The following CMIP variants were observed in gnomAD, a reference collection of about 807,000 sequenced individuals.
The protein encoded by CMIP is c-Maf inducing protein, also known as C-Maf-inducing protein.
Under a neutral mutation model 97.3 loss-of-function variants are expected in CMIP, and 13 were observed. That is an observed-to-expected ratio of 0.13 (90% CI 0.09 to 0.21). The LOEUF (loss-of-function observed/expected upper bound fraction) is 0.21. Ranked by LOEUF, CMIP falls within the 10% of genes least tolerant of loss-of-function variation. The probability of loss-of-function intolerance (pLI) is 1.00; values close to 1 mark genes in which losing one functional copy is unlikely to be tolerated. For missense variants in CMIP, 847 were observed against 1,024.9 expected (o/e 0.83, Z 2.37); for synonymous variants, 538 against 436.3 (o/e 1.23, Z -2.91).
intron 10 of CMIP, among the ~76,000 whole-genome samples, chr16:81,689,493 T>A (rs55669104): frequency 6.6e-6 from 1 of 151,788 alleles, no homozygotes; most frequent in African/African-American, 2.4e-5. Flanking sequence ...TCGCCCACTT[T>A]TTGATGGGGT....
chr16:81,690,656 A>G (rs1905956261), intron 10 of CMIP, among the ~76,000 whole-genome samples: 1 of 151,986 alleles, frequency 6.6e-6, no homozygotes, highest in Admixed American at 6.6e-5. Context: ...GGCGTGAGCC[A>G]CCACACCTGG....
chr16:81,455,168 G>A (rs1056511786), intron 1 of CMIP, among the ~76,000 whole-genome samples: 1 of 152,224 alleles, frequency 6.6e-6, no homozygotes, highest in African/African-American at 2.4e-5. Flanking sequence ...AGCCCGGGAT[G>A]TCACAGATTG....
chr16:81,678,130 A>T (rs1597236841), intron 9 of CMIP, 145 bp from the exon 10 acceptor site: 2 of 672,456 alleles, frequency 3.0e-6, no homozygotes, highest in African/African-American at 3.6e-5. Flanking sequence ...GCTGAGCCTC[A>T]GTTTCCTCAT....
At chr16:81,533,736 C>T (rs1333291612) in intron 1 of CMIP, among the ~76,000 whole-genome samples, 1 of 152,184 alleles carries the variant, frequency 6.6e-6, no homozygotes, top group Non-Finnish European at 1.5e-5. Flanking sequence ...GCCTCTGCCT[C>T]CCTAAGTGCT....
intron 1 of CMIP, among the ~76,000 whole-genome samples, chr16:81,511,013 G>C (rs1223368873): frequency 6.6e-6 from 1 of 152,130 alleles, no homozygotes; most frequent in Non-Finnish European, 1.5e-5. Flanking sequence ...GGCCACAGCT[G>C]CCAGCCTAAC....
At chr16:81,520,527 C>T (rs1041156395) in intron 1 of CMIP, 1 of 136,618 alleles carries the variant, frequency 7.3e-6, no homozygotes, top group African/African-American at 2.9e-5. Context: ...ATAGTGAGAC[C>T]CCATCTCTCA....
intron 1 of CMIP, among the ~76,000 whole-genome samples, chr16:81,589,483 G>GTTT (rs74264889): frequency 3.0e-4 from 43 of 141,400 alleles, no homozygotes; most frequent in African/African-American, 9.0e-4. Flanking sequence ...GCAGACTTGT[G>GTTT]TTTTTTTTTT....
At chr16:81,502,286 A>G (rs1315045209) in intron 1 of CMIP, among the ~76,000 whole-genome samples, 1 of 152,236 alleles carries the variant, frequency 6.6e-6, no homozygotes, top group Non-Finnish European at 1.5e-5. Flanking sequence ...TTGCCTGGAC[A>G]GTCCCAGTTT....
chr16:81,588,252 G>GT (rs1567596227), intron 1 of CMIP, among the ~76,000 whole-genome samples: 2 of 152,128 alleles, frequency 1.3e-5, no homozygotes, highest in African/African-American at 2.4e-5. Flanking sequence ...CATAGTTTTT[G>GT]TTTTTTGGCC....
At chr16:81,599,780 G>T (rs1331427475) in intron 1 of CMIP, among the ~76,000 whole-genome samples, 2 of 152,184 alleles carry the variant, frequency 1.3e-5, no homozygotes, top group African/African-American at 4.8e-5. Context: ...TCTGTAGCAT[G>T]TGGATAACAG....
At chr16:81,476,371 C>T in intron 1 of CMIP, 4 of 1,264,268 alleles carry the variant, frequency 3.2e-6, no homozygotes, top group Non-Finnish European at 4.6e-6. Context: ...AAAGCAGGAA[C>T]CCTTATAACC....
In CMIP at chr16:81,652,036, C is replaced by T. The variant is rs1161782473; in HGVS notation, c.478-167C>T. On this transcript the variant is annotated intron_variant, in intron 3 of 20. Coordinates refer to ENST00000537098, the MANE Select transcript of CMIP (RefSeq NM_198390.3). This position sits in a 1 kb window ranked among gnomAD's most constrained non-coding sequence, Gnocchi z 5.2. ...ATGCACCCCGTGACTTTGGATGAGA[C>T]CCTTCCTCTCTCGGGGTGTCAGTTT... Among the ~76,000 whole-genome samples, 1 of 152,080 alleles carries T rather than the reference C, an allele frequency of 6.6e-6. No homozygotes were observed. Among genetic ancestry groups the T allele is most frequent in the Non-Finnish European group, 1.5e-5 (1 of 68,016 alleles).
rs77318465 is a variant in CMIP at position 81,448,733 on chromosome 16, A to T, written c.300+3192A>T. Among the ~76,000 whole-genome samples, 1,269 of 152,368 alleles carry T rather than the reference A, an allele frequency of 8.3e-3. 64 individuals carry two copies. The highest frequency in any genetic ancestry group is 0.07 in the Admixed American group (1,071 of 15,310). On this transcript the variant is annotated intron_variant, in intron 1 of 20. Transcript: ENST00000537098. ...GACTTTGGATCCGAAATGCTCGTAA[A>T]CAAAGGAGGAAGCAGATAGGCGACA...
chr16:81,469,089 G>A (rs936288545), intron 1 of CMIP, among the ~76,000 whole-genome samples: 3 of 152,352 alleles, frequency 2.0e-5, no homozygotes, highest in Admixed American at 6.5e-5. Flanking sequence ...TGGCTGAGCT[G>A]ATCAGGAGTG....
intron 2 of CMIP, among the ~76,000 whole-genome samples, chr16:81,611,834 A>T (rs932647633): frequency 6.6e-6 from 1 of 152,238 alleles, no homozygotes; most frequent in Non-Finnish European, 1.5e-5. Flanking sequence ...TGATCCTTCA[A>T]GGAAGGCAGA....
intron 1 of CMIP, among the ~76,000 whole-genome samples, chr16:81,574,084 G>A (rs944683691): frequency 1.3e-5 from 2 of 152,204 alleles, no homozygotes; most frequent in African/African-American, 4.8e-5. Flanking sequence ...TCAGATCCTT[G>A]GTCACACTAG....
chr16:81,702,500 C>A, intron 16 of CMIP, 122 bp from the exon 17 acceptor site: 1 of 994,500 alleles, frequency 1.0e-6, no homozygotes, highest in Non-Finnish European at 1.6e-6. Flanking sequence ...CCAAGACCAC[C>A]GTGTTGCCTT....
intron 1 of CMIP, among the ~76,000 whole-genome samples, chr16:81,450,352 T>C (rs981910613): frequency 6.6e-6 from 1 of 152,228 alleles, no homozygotes; most frequent in African/African-American, 2.4e-5. Context: ...CTCATGGCGC[T>C]GGATCTGGAT....
intron 1 of CMIP, among the ~76,000 whole-genome samples, chr16:81,556,404 T>A (rs1358652870): frequency 6.6e-6 from 1 of 152,056 alleles, no homozygotes; most frequent in Non-Finnish European, 1.5e-5. Flanking sequence ...TAGCTAGGAG[T>A]AAAATTGATG....
Sources: gnomAD v4.1 joint callset for allele counts (sites outside exome capture counted in the v4.1 genomes callset) on GRCh38, gnomAD v4.1.1 for gene constraint, Gnocchi (gnomAD v3.1) non-coding constraint, MANE v1.5 for transcripts, NCBI Gene and HGNC (gene_info 2026-07-23, HGNC 2026-07-21) for gene names.